The following SPAG16 variants were observed in gnomAD, a reference collection of about 807,000 sequenced individuals.
SPAG16 encodes sperm associated antigen 16.
SPAG16 carries 86 observed loss-of-function variants against 80.4 expected under a neutral mutation model. The ratio of observed to expected loss-of-function variants is 1.07; its 90% CI spans 0.90 to 1.28. The LOEUF (loss-of-function observed/expected upper bound fraction) is 1.28, where lower values mean the gene tolerates loss of function less well. SPAG16 is among the 50% of genes most tolerant of loss of function. SPAG16 has a pLI of 0.00. For synonymous variants in SPAG16, 294 were observed against 265.9 expected (o/e 1.11, Z -1.03); for missense variants, 870 against 765.3 (o/e 1.14, Z -1.61).
At chr2:213,468,664 G>C (rs947225959) in intron 9 of SPAG16, among the ~76,000 whole-genome samples, 1 of 145,760 alleles carries the variant, frequency 6.9e-6, no homozygotes, top group Non-Finnish European at 1.5e-5. Flanking sequence ...TATTGTGTGT[G>C]TGTGTGTATA....
intron 12 of SPAG16, among the ~76,000 whole-genome samples, chr2:214,008,264 C>A (rs1339193353): frequency 2.0e-5 from 3 of 151,924 alleles, no homozygotes; most frequent in South Asian, 4.2e-4. Flanking sequence ...ATCTGTGCAC[C>A]CATTATAACT....
intron 15 of SPAG16, chr2:214,239,759 C>T (rs1376350851): frequency 6.6e-6 from 1 of 152,082 alleles, no homozygotes; most frequent in Non-Finnish European, 1.5e-5. Context: ...ACAGCCCCCA[C>T]CCAGAATCCT....
intron 11 of SPAG16, among the ~76,000 whole-genome samples, chr2:213,893,099 C>T (rs1056584221): frequency 6.6e-6 from 1 of 152,028 alleles, no homozygotes; most frequent in Admixed American, 6.6e-5. Context: ...TTCCAGTTCA[C>T]CTGGAAACAG....
intron 10 of SPAG16, among the ~76,000 whole-genome samples, chr2:213,598,120 T>C (rs1296525957): frequency 6.6e-6 from 1 of 152,200 alleles, no homozygotes; most frequent in Non-Finnish European, 1.5e-5. Context: ...GCCCCAATTA[T>C]TTCTGTAATC....
intron 11 of SPAG16, among the ~76,000 whole-genome samples, chr2:213,873,895 A>T (rs770392114): frequency 1.3e-5 from 2 of 152,124 alleles, no homozygotes; most frequent in Non-Finnish European, 2.9e-5. Flanking sequence ...GGTATAGCCT[A>T]CTGCTCTTCC....
At chr2:213,397,808 C>T (rs377092369) in intron 9 of SPAG16, among the ~76,000 whole-genome samples, 1 of 152,204 alleles carries the variant, frequency 6.6e-6, no homozygotes, top group East Asian at 1.9e-4. Context: ...TCTTCACTCC[C>T]TAGGTGATCT....
intron 10 of SPAG16, among the ~76,000 whole-genome samples, chr2:213,845,638 G>T (rs1458602367): frequency 6.6e-6 from 1 of 152,172 alleles, no homozygotes; most frequent in African/African-American, 2.4e-5. Flanking sequence ...AAATGCATGT[G>T]TATCAGTTAC....
At chr2:213,600,809 G>A (rs1038497929) in intron 10 of SPAG16, among the ~76,000 whole-genome samples, 1 of 152,152 alleles carries the variant, frequency 6.6e-6, no homozygotes, top group African/African-American at 2.4e-5. Flanking sequence ...TCCTTTTCTC[G>A]CTATGTGTTG....
chr2:213,296,648 C>T (rs1310428704), intron 2 of SPAG16, among the ~76,000 whole-genome samples: 6 of 152,144 alleles, frequency 3.9e-5, no homozygotes, highest in Non-Finnish European at 8.8e-5. Flanking sequence ...GGAAATAAGC[C>T]TGGCGAGCCT....
chr2:213,922,949 G>A (rs546235990), intron 11 of SPAG16, among the ~76,000 whole-genome samples: 1 of 152,264 alleles, frequency 6.6e-6, no homozygotes, highest in East Asian at 1.9e-4. Context: ...GCTCCCTGGG[G>A]AAACATGGGG....
At chr2:214,250,630 TATAA>T (rs1330675756) in intron 15 of SPAG16, among the ~76,000 whole-genome samples, 1 of 146,436 alleles carries the variant, frequency 6.8e-6, no homozygotes, top group Non-Finnish European at 1.5e-5. Flanking sequence ...TAGAAAAATA[TATAA>T]ATATTTATAT....
intron 10 of SPAG16, among the ~76,000 whole-genome samples, chr2:213,700,727 A>C (rs965094236): frequency 2.0e-5 from 3 of 152,268 alleles, no homozygotes; most frequent in African/African-American, 7.2e-5. Flanking sequence ...TTCATTGATA[A>C]GAATTCAATT....
At chr2:213,411,705 C>T (rs929388087) in intron 9 of SPAG16, among the ~76,000 whole-genome samples, 4 of 152,048 alleles carry the variant, frequency 2.6e-5, no homozygotes, top group South Asian at 4.1e-4. Flanking sequence ...ATAATAGCCT[C>T]GATTCTTATT....
At position 213,980,238 on chromosome 2, in the gene SPAG16, A is replaced by C. The variant is rs970478937; in HGVS notation, c.1401-33713A>C. Among the ~76,000 whole-genome samples, 22 of 109,898 alleles carry C rather than the reference A, an allele frequency of 2.0e-4. 1 individual carries two copies. The highest frequency in any genetic ancestry group is 3.5e-4 in the South Asian group (1 of 2,842). 72.1% of individuals were successfully genotyped at this position (109,898 alleles called of 152,430 possible). A position where few individuals can be genotyped will look rare whatever the true frequency, so the allele number is the denominator to read the frequency against. On this transcript the variant is annotated intron_variant, in intron 12 of 15. Coordinates refer to ENST00000331683, the MANE Select transcript of SPAG16 (RefSeq NM_024532.5). ...ATATATGTGTGTATATATATTCTCT[A>C]TATATATAGAATATATGTGTGTATA... is the stretch of plus-strand genomic sequence containing the variant.
chr2:213,549,590 T>G (rs2076724091), intron 10 of SPAG16, among the ~76,000 whole-genome samples: 1 of 152,140 alleles, frequency 6.6e-6, no homozygotes, highest in South Asian at 2.1e-4. Context: ...CACCACTCAT[T>G]TGTGTTAGTC....
chr2:213,435,613 G>C (rs925352564), intron 9 of SPAG16, among the ~76,000 whole-genome samples: 1 of 151,952 alleles, frequency 6.6e-6, no homozygotes, highest in Non-Finnish European at 1.5e-5. Context: ...AGGGATAAAA[G>C]AATTTAAAGA....
intron 5 of SPAG16, among the ~76,000 whole-genome samples, chr2:213,337,868 A>G (rs36118137): frequency 6.6e-4 from 100 of 152,222 alleles, no homozygotes; most frequent in Non-Finnish European, 1.2e-3. Context: ...GGAAACCCAG[A>G]CAACCCTAGT....
At chr2:214,291,452 C>T (rs1693795320) in intron 15 of SPAG16, among the ~76,000 whole-genome samples, 1 of 150,308 alleles carries the variant, frequency 6.7e-6, no homozygotes, top group Non-Finnish European at 1.5e-5. Context: ...ACTACAGGCG[C>T]CCGCCACTAC....
At chr2:213,284,746 T>C in intron 1 of SPAG16, 127 bp downstream of exon 1, 1 of 1,338,486 alleles carries the variant, frequency 7.5e-7, no homozygotes, top group Non-Finnish European at 9.9e-7. Flanking sequence ...TCTGTTGGAC[T>C]TCAAGGTGCT....
Sources: allele counts gnomAD v4.1 joint callset (sites outside exome capture counted in the v4.1 genomes callset), GRCh38; gene constraint gnomAD v4.1.1; transcripts MANE v1.5; gene names NCBI Gene and HGNC (gene_info 2026-07-23, HGNC 2026-07-21).